LUZP2: variants seen among roughly 807,000 people sequenced by gnomAD.
The protein encoded by LUZP2 is leucine zipper protein 2.
A neutral mutation model predicts 51.6 loss-of-function variants in LUZP2; 52 were observed. That is an observed-to-expected ratio of 1.01 (90% confidence interval 0.81 to 1.27). The LOEUF is 1.27. LUZP2 is among the 50% of genes most tolerant of loss of function. LUZP2 has a pLI of 0.00. For missense variants in LUZP2, 436 were observed against 395.4 expected (o/e 1.10, Z -0.87); for synonymous variants, 154 against 137.3 (o/e 1.12, Z -0.85).
At chr11:25,062,451 G>A (rs1376923908) in intron 10 of LUZP2, among the ~76,000 whole-genome samples, 2 of 138,664 alleles carry the variant, frequency 1.4e-5, no homozygotes, top group Admixed American at 1.5e-4. Context: ...ATATCTGCAT[G>A]TGGTGGCATT....
chr11:24,995,899 A>G (rs1045628290), intron 9 of LUZP2, among the ~76,000 whole-genome samples: 6 of 151,980 alleles, frequency 3.9e-5, no homozygotes, highest in African/African-American at 1.4e-4. Context: ...TTCTAAATTC[A>G]GTGTTAGTGC....
intron 1 of LUZP2, among the ~76,000 whole-genome samples, chr11:24,664,064 A>T (rs1856123134): frequency 6.6e-6 from 1 of 152,206 alleles, no homozygotes; most frequent in African/African-American, 2.4e-5. Flanking sequence ...AGGATACCAA[A>T]AAAAATGTGG....
At chr11:24,726,049 C>T (rs1049942142) in intron 1 of LUZP2, among the ~76,000 whole-genome samples, 3 of 151,858 alleles carry the variant, frequency 2.0e-5, no homozygotes, top group African/African-American at 7.3e-5. Flanking sequence ...AATTGTGAGA[C>T]GAAATATCTA....
intron 1 of LUZP2, among the ~76,000 whole-genome samples, chr11:24,514,043 G>A (rs1332454346): frequency 6.6e-6 from 1 of 152,164 alleles, no homozygotes; most frequent in Non-Finnish European, 1.5e-5. Flanking sequence ...GGGGATACAA[G>A]CAGACCTCTG....
chr11:24,902,614 C>G (rs1176687417), intron 5 of LUZP2, among the ~76,000 whole-genome samples: 1 of 152,044 alleles, frequency 6.6e-6, no homozygotes, highest in Non-Finnish European at 1.5e-5. Flanking sequence ...CATTGAAAAG[C>G]CTACTCCAAG....
At position 24,683,833 on chromosome 11, in the gene LUZP2, A is replaced by G. The variant is rs574536259; in HGVS notation, c.63-45336A>G. On this transcript the variant is annotated intron_variant, in intron 1 of 11. Transcript: ENST00000336930. ...GGTCTATTATGATAAATCTCAGTTC[A>G]TGCTGTTTGTCTGAAGGTTCAACTG... 4.8e-4 allele frequency among the ~76,000 whole-genome samples: 73 copies of G among 152,272 alleles called. 1 individual carries two copies. In the South Asian group the frequency reaches 6.8e-3, roughly 14 times the overall value.
chr11:24,826,032 G>C (rs1188222793), intron 5 of LUZP2, among the ~76,000 whole-genome samples: 1 of 151,068 alleles, frequency 6.6e-6, no homozygotes. Flanking sequence ...AATTAGCTGG[G>C]CGCGGTGGCG....
intron 1 of LUZP2, among the ~76,000 whole-genome samples, chr11:24,563,624 A>C (rs1248270081): frequency 6.6e-6 from 1 of 152,104 alleles, no homozygotes; most frequent in African/African-American, 2.4e-5. Context: ...CGGCACAGTC[A>C]TATGTTAACA....
intron 9 of LUZP2, among the ~76,000 whole-genome samples, chr11:24,986,434 A>C (rs553037854): frequency 6.6e-6 from 1 of 151,548 alleles, no homozygotes; most frequent in East Asian, 1.9e-4. Context: ...GTTCAATGAC[A>C]TCATGTTATC....
chr11:25,055,456 G>A (rs1290127284), intron 10 of LUZP2, among the ~76,000 whole-genome samples: 1 of 151,950 alleles, frequency 6.6e-6, no homozygotes, highest in Non-Finnish European at 1.5e-5. Context: ...TTTCCAGATT[G>A]TTAATTGCTA....
chr11:24,563,500 A>T (rs1190335027), intron 1 of LUZP2, among the ~76,000 whole-genome samples: 1 of 152,208 alleles, frequency 6.6e-6, no homozygotes, highest in Non-Finnish European at 1.5e-5. Context: ...GTTGTAAATT[A>T]AGAATAAAAT....
chr11:24,705,384 T>C (rs1857547150), intron 1 of LUZP2, among the ~76,000 whole-genome samples: 2 of 152,170 alleles, frequency 1.3e-5, no homozygotes, highest in South Asian at 4.1e-4. Flanking sequence ...ACAAAATCAA[T>C]CGAGGTTTTA....
At chr11:24,776,994 GTT>G (rs34070504) in intron 5 of LUZP2, among the ~76,000 whole-genome samples, 11,303 of 136,712 alleles carry the variant, frequency 0.083, 961 homozygotes, top group African/African-American at 0.22. Flanking sequence ...ACTGTAAGTA[GTT>G]TTTTTTTTTT....
At chr11:24,908,093 A>G (rs1257173457) in intron 6 of LUZP2, among the ~76,000 whole-genome samples, 2 of 152,154 alleles carry the variant, frequency 1.3e-5, no homozygotes, top group Admixed American at 1.3e-4. Flanking sequence ...ATCACTACCA[A>G]AAACAAAATA....
At chr11:24,956,907 T>C (rs533710416) in intron 7 of LUZP2, among the ~76,000 whole-genome samples, 1 of 152,250 alleles carries the variant, frequency 6.6e-6, no homozygotes, top group East Asian at 1.9e-4. Context: ...TTTAAAGTGC[T>C]TTCCAATTCA....
chr11:25,020,442 T>C (rs1857299511), intron 9 of LUZP2, among the ~76,000 whole-genome samples: 3 of 152,174 alleles, frequency 2.0e-5, no homozygotes, highest in Admixed American at 1.3e-4. Flanking sequence ...TATTTCAGCA[T>C]GGACTGCATC....
rs869045272 is a variant in LUZP2, at chr11:24,764,490, T to TAAAAAAAAAAA, written c.396+1198_396+1208dup. Among the ~76,000 whole-genome samples the TAAAAAAAAAAA allele has an allele frequency of 9.6e-5, 9 of 94,056 alleles. No individual in the cohort carries two copies. In the South Asian group the frequency reaches 1.2e-3, roughly 13 times the overall value. 61.7% of individuals were successfully genotyped at this position (94,056 alleles called of 152,430 possible). On this transcript the variant is annotated intron_variant, in intron 5 of 11. Transcript: ENST00000336930. ...GGACAACATGGTAAAATCTCATCTC[T>TAAAAAAAAAAA]AAAAAAAAAAAAAAAAAAAAAAAAA...
chr11:24,939,265 G>A (rs1854676897), intron 7 of LUZP2, among the ~76,000 whole-genome samples: 1 of 152,094 alleles, frequency 6.6e-6, no homozygotes, highest in African/African-American at 2.4e-5. Context: ...ACTCAACACA[G>A]TTGACATTTT....
intron 1 of LUZP2, among the ~76,000 whole-genome samples, chr11:24,570,894 A>C (rs570532837): frequency 2.0e-5 from 3 of 152,206 alleles, no homozygotes; most frequent in South Asian, 4.1e-4. Flanking sequence ...GAAATGATTT[A>C]TCTGAAATCA....
Sources: allele counts gnomAD v4.1 joint callset (sites outside exome capture counted in the v4.1 genomes callset), GRCh38; gene constraint gnomAD v4.1.1; transcripts MANE v1.5; gene names NCBI Gene and HGNC (gene_info 2026-07-23, HGNC 2026-07-21).